MYLK: variants seen among roughly 807,000 people sequenced by gnomAD.
MYLK encodes the protein myosin light chain kinase, smooth muscle.
Under a neutral mutation model 203.4 loss-of-function variants are expected in MYLK, and 106 were observed. The observed-to-expected ratio is 0.52, with a 90% CI of 0.45 to 0.61. MYLK has a LOEUF of 0.61. Ranked by LOEUF, MYLK falls within the 20% of genes least tolerant of loss-of-function variation. The probability of loss-of-function intolerance (pLI) is 0.00; values close to 1 mark genes in which losing one functional copy is unlikely to be tolerated. For missense variants in MYLK, 2,072 were observed against 2,442.3 expected (o/e 0.85, Z 3.20); for synonymous variants, 867 against 959.5 (o/e 0.90, Z 1.78).
At chr3:123,749,145 G>T (rs569822282) in intron 5 of MYLK, among the ~76,000 whole-genome samples, 15 of 151,746 alleles carry the variant, frequency 9.9e-5, no homozygotes, top group African/African-American at 3.4e-4. Flanking sequence ...TCAGTGTAGT[G>T]GTGCAGGCCT....
At chr3:123,650,015 G>A (rs1269326874) in intron 24 of MYLK, among the ~76,000 whole-genome samples, 3 of 152,210 alleles carry the variant, frequency 2.0e-5, no homozygotes, top group African/African-American at 7.2e-5. Flanking sequence ...TCCCATGGCC[G>A]TGTCAGGAGT....
At chr3:123,776,447 T>C (rs1405494685) in intron 4 of MYLK, among the ~76,000 whole-genome samples, 3 of 152,194 alleles carry the variant, frequency 2.0e-5, no homozygotes, top group African/African-American at 4.8e-5. Context: ...AAGGAAATAA[T>C]ATTAAATATG....
intron 20 of MYLK, among the ~76,000 whole-genome samples, chr3:123,679,926 ACAG>A (rs1403240501): frequency 6.6e-6 from 1 of 152,062 alleles, no homozygotes; most frequent in Non-Finnish European, 1.5e-5. Flanking sequence ...CTCAAGACCC[ACAG>A]TGTGGGCACC....
chr3:123,749,974 A>C (rs543410056), intron 5 of MYLK, among the ~76,000 whole-genome samples: 2 of 152,364 alleles, frequency 1.3e-5, no homozygotes, highest in South Asian at 4.1e-4. Flanking sequence ...GCTGGAGGGA[A>C]GGCAGTTGGG....
rs554466934 is a variant in MYLK, at chr3:123,794,056, C to A, written c.-3-212G>T. ...AGGACAAGGCAGAGCCCATCCCAGA[C>A]AAACACTCCGGTTCCCAGGGCGATG... On this transcript the variant is annotated intron_variant, in intron 3 of 33. Coordinates refer to ENST00000360304, the MANE Select transcript of MYLK (RefSeq NM_053025.4). 2.5e-4 allele frequency among the ~76,000 whole-genome samples: 38 copies of A among 152,378 alleles called. 2 individuals are homozygous for A. The South Asian group carries it at 7.5e-3, about 30-fold the overall frequency.
chr3:123,654,424 G>C (rs755587921), intron 24 of MYLK, among the ~76,000 whole-genome samples: 1 of 152,084 alleles, frequency 6.6e-6, no homozygotes, highest in Non-Finnish European at 1.5e-5. Context: ...CCCTGGTGAT[G>C]CCAGGCCTGC....
chr3:123,726,984 AG>A lies in MYLK; in HGVS notation c.1517-907del, dbSNP rs553107008. On this transcript the variant is annotated intron_variant, in intron 11 of 33. Coordinates refer to ENST00000360304, the MANE Select transcript of MYLK (RefSeq NM_053025.4). The stretch of plus-strand genomic sequence containing the variant: ...GAGAAGAAATGTCATATTATACTGC[AG>A]GGGTTTATGGGCAAGAAAGCTAATA... Among the ~76,000 whole-genome samples the A allele has an allele frequency of 2.7e-3, 413 of 152,318 alleles. 3 individuals are homozygous for A. Among genetic ancestry groups the A allele is most frequent in the African/African-American group, 9.7e-3 (405 of 41,566 alleles).
At chr3:123,634,405 C>T (rs2058559994) in intron 29 of MYLK, among the ~76,000 whole-genome samples, 1 of 152,188 alleles carries the variant, frequency 6.6e-6, no homozygotes, top group Non-Finnish European at 1.5e-5. Context: ...CCCCGATGCC[C>T]CGGCACTGTG....
Position 123,658,043 on chromosome 3 carries a change from A to T in MYLK, c.3986-615T>A, listed in dbSNP as rs564088787. Among the ~76,000 whole-genome samples, 12 of 152,366 alleles carry T rather than the reference A, an allele frequency of 7.9e-5. 1 individual carries two copies. In the South Asian group the frequency reaches 2.3e-3, roughly 29 times the overall value. On this transcript the variant is annotated intron_variant, in intron 23 of 33. Coordinates refer to ENST00000360304, the MANE Select transcript of MYLK (RefSeq NM_053025.4). ...GTTTCCTCATCTGTAAAATGTGAATAACAACAGCACTTGTATCACAGGTGG... is the reference window on the plus strand; with the variant it reads ...GTTTCCTCATCTGTAAAATGTGAATTACAACAGCACTTGTATCACAGGTGG...
At chr3:123,791,808 A>G (rs1236816340) in intron 4 of MYLK, among the ~76,000 whole-genome samples, 1 of 152,256 alleles carries the variant, frequency 6.6e-6, no homozygotes, top group African/African-American at 2.4e-5. Flanking sequence ...TAAATGACTA[A>G]ATTGTTCACA....
chr3:123,640,441 C>T lies in MYLK; in HGVS notation c.4683G>A (p.Glu1561=). The T allele has an allele frequency of 6.2e-7, 1 of 1,614,074 alleles. No individual in the cohort carries two copies. The highest frequency in any genetic ancestry group is 8.5e-7 in the Non-Finnish European group (1 of 1,180,028). Residue 1561 remains glutamate, a synonymous_variant, in exon 28 of 34, where the codon GAG becomes GAA. Transcript: ENST00000360304. The surrounding 1 kb of genome is among the most constrained non-coding windows in gnomAD (Gnocchi z 4.3). ...AGATCTGCCGCATGTACTTGATGCA[C>T]TCACGCTCCGTCAGCTCAAAGTCCT... is the stretch of plus-strand genomic sequence containing the variant. ...IDEDFELTER[E]CIKYMRQISE... is the part of the protein sequence containing the mutation.
At chr3:123,840,566 G>A (rs746429314) in intron 2 of MYLK, among the ~76,000 whole-genome samples, 3 of 151,092 alleles carry the variant, frequency 2.0e-5, no homozygotes, top group Non-Finnish European at 3.0e-5. Flanking sequence ...TTTTATGAGA[G>A]CAACATTACT....
intron 4 of MYLK, among the ~76,000 whole-genome samples, chr3:123,760,157 T>G (rs2063488226): frequency 1.3e-5 from 2 of 152,066 alleles, no homozygotes; most frequent in Admixed American, 1.3e-4. Flanking sequence ...TCTACTTCCA[T>G]GGAGAAGTAT....
At chr3:123,860,534 A>C (rs1038762003) in intron 2 of MYLK, among the ~76,000 whole-genome samples, 4 of 152,226 alleles carry the variant, frequency 2.6e-5, no homozygotes, top group African/African-American at 9.6e-5. Context: ...AATAAAAGGC[A>C]AAATTCTTCA....
At chr3:123,701,554 C>T (rs780429954) in intron 16 of MYLK, 45 bp from the exon 17 acceptor site, 13 of 1,593,612 alleles carry the variant, frequency 8.2e-6, no homozygotes, top group Non-Finnish European at 1.1e-5. Context: ...GCCCTCTGGG[C>T]AAAGGGCCTG....
In MYLK at chr3:123,647,287, G is replaced by C. The variant is rs1404318211; in HGVS notation, c.4556C>G (p.Pro1519Arg). The change falls in exon 27 of 34, where the codon CCT (proline) becomes CGT (arginine). Residue 1519 changes from proline to arginine, a missense_variant. Pro to Arg is a moderately radical substitution (Grantham distance 103). This residue lies in a region of MYLK where 524 missense variants were observed against 782.4 expected (regional missense o/e 0.67). Coordinates refer to ENST00000360304, the MANE Select transcript of MYLK (RefSeq NM_053025.4). ...GGCATCCACACACTGGACCAGCTTA[G>C]GGTGGTGGAGGCAGTTCATGATGCT... ...EISIMNCLHHPKLVQCVDAFE... is the reference protein window; with the variant it reads ...EISIMNCLHHRKLVQCVDAFE... 1 of 1,614,114 alleles carries C rather than the reference G, an allele frequency of 6.2e-7. No individual in the cohort carries two copies. Among genetic ancestry groups the C allele is most frequent in the Non-Finnish European group, 8.5e-7 (1 of 1,180,044 alleles).
chr3:123,734,408 C>T (rs1020915489), intron 9 of MYLK, 186 bp from the exon 10 acceptor site: 14 of 579,342 alleles, frequency 2.4e-5, no homozygotes, highest in Non-Finnish European at 4.0e-5. Flanking sequence ...ACAGCACAAG[C>T]AGCCATTCCC....
At chr3:123,780,195 C>A (rs554503313) in intron 4 of MYLK, among the ~76,000 whole-genome samples, 1 of 152,080 alleles carries the variant, frequency 6.6e-6, no homozygotes, top group African/African-American at 2.4e-5. Flanking sequence ...GCACTTCGGG[C>A]GGCCTAGGTG....
At chr3:123,811,724 C>T (rs1352902391) in intron 3 of MYLK, among the ~76,000 whole-genome samples, 2 of 152,100 alleles carry the variant, frequency 1.3e-5, no homozygotes, top group Non-Finnish European at 2.9e-5. Flanking sequence ...TGTTTATCAT[C>T]CCTGTAAAGC....
Sources: allele counts gnomAD v4.1 joint callset (sites outside exome capture counted in the v4.1 genomes callset), GRCh38; gene constraint gnomAD v4.1.1; regional missense constraint gnomAD v4.1.1; non-coding constraint Gnocchi (gnomAD v3.1); transcripts MANE v1.5; gene names NCBI Gene and HGNC (gene_info 2026-07-23, HGNC 2026-07-21).